Variants in CNTN4 observed in about 807,000 individuals in gnomAD.
CNTN4 encodes the protein contactin 4, also known as contactin-4.
In CNTN4, 77 loss-of-function variants were observed where a neutral mutation model predicts 122.5. The observed-to-expected ratio is 0.63, with a 90% CI of 0.52 to 0.76. CNTN4 has a LOEUF of 0.76. CNTN4 is among the 30% of genes least tolerant of loss of function. The pLI, the probability that CNTN4 is intolerant of heterozygous loss-of-function variation, is 0.00. For synonymous variants in CNTN4, 512 were observed against 447.0 expected (o/e 1.15, Z -1.83); for missense variants, 1,256 against 1,259.1 (o/e 1.00, Z 0.04).
At chr3:2,397,083 A>G (rs565057935) in intron 3 of CNTN4, among the ~76,000 whole-genome samples, 32 of 152,332 alleles carry the variant, frequency 2.1e-4, no homozygotes, top group African/African-American at 7.0e-4. Flanking sequence ...ATAACAGGGC[A>G]TGTAAAAGAC....
At chr3:2,174,967 A>G (rs1463130303) in intron 2 of CNTN4, among the ~76,000 whole-genome samples, 1 of 152,152 alleles carries the variant, frequency 6.6e-6, no homozygotes, top group African/African-American at 2.4e-5. Flanking sequence ...GTCACTTCCC[A>G]CCAGGCCCCA....
chr3:2,466,050 C>CT (rs1254902173), intron 3 of CNTN4, among the ~76,000 whole-genome samples: 2 of 152,182 alleles, frequency 1.3e-5, no homozygotes, highest in African/African-American at 4.8e-5. Context: ...GGAATTCAAT[C>CT]TATTACATGC....
chr3:2,422,767 C>G lies in CNTN4; in HGVS notation c.-89+83534C>G, dbSNP rs529528046. ...ACATAAAGAGAGAGCTGCTGATATTCTGTTTCCCCTAATGCCTGAGTGTGG... is the reference window on the plus strand; with the variant it reads ...ACATAAAGAGAGAGCTGCTGATATTGTGTTTCCCCTAATGCCTGAGTGTGG... On this transcript the variant is annotated intron_variant, in intron 3 of 24. Coordinates refer to ENST00000418658, the MANE Select transcript of CNTN4 (RefSeq NM_175607.3). Among the ~76,000 whole-genome samples, 8 of 152,322 alleles carry G rather than the reference C, an allele frequency of 5.3e-5. No individual in the cohort carries two copies. In the East Asian group the frequency reaches 1.5e-3, roughly 29 times the overall value.
Position 2,902,984 on chromosome 3 carries a change from A to G in CNTN4, c.1186A>G (p.Asn396Asp). Residue 396 changes from asparagine (N) to aspartate (D), a missense_variant, in exon 12 of 25, where the codon AAC (asparagine) becomes GAC (aspartate). Physicochemically the swap from Asn to Asp is conservative, Grantham distance 23. Transcript: ENST00000418658. ...GAATAAACATGGAGTTATCTTTTCC[A>G]ACGCAGAGCTTAGTGTTATAGGTGA... ...AENKHGVIFS[N>D]AELSVIAVGP... 1 of 1,613,902 alleles carries G rather than the reference A, an allele frequency of 6.2e-7. No homozygotes were observed. Among genetic ancestry groups the G allele is most frequent in the Non-Finnish European group, 8.5e-7 (1 of 1,179,880 alleles).
At position 2,759,665 on chromosome 3, in the gene CNTN4, AC is replaced by A. The variant is rs532717742; in HGVS notation, c.358+13969del. On this transcript the variant is annotated intron_variant, in intron 6 of 24. Coordinates refer to ENST00000418658, the MANE Select transcript of CNTN4 (RefSeq NM_175607.3). ...TAGGAGTGGAGTAGCTAGTGGAGTT[AC>A]TGTATGTTTAACATACAGTAACTGG... 1.6e-4 allele frequency among the ~76,000 whole-genome samples: 24 copies of A among 151,690 alleles called. 1 individual carries two copies. The South Asian group carries it at 5.0e-3, about 32-fold the overall frequency.
chr3:2,115,919 T>C (rs891933054), intron 2 of CNTN4, among the ~76,000 whole-genome samples: 3 of 152,240 alleles, frequency 2.0e-5, no homozygotes, highest in Non-Finnish European at 4.4e-5. Context: ...GGTGGGCATT[T>C]AGCTTTTTGT....
In CNTN4 at chr3:2,353,941, G is replaced by A. The variant is rs187863295; in HGVS notation, c.-89+14708G>A. Among the ~76,000 whole-genome samples, 145 of 152,100 alleles carry A rather than the reference G, an allele frequency of 9.5e-4. 1 individual carries two copies. The highest frequency in any genetic ancestry group is 4.6e-3 in the Admixed American group (71 of 15,272). The stretch of plus-strand genomic sequence containing the variant: ...AACAAACAAACAAAAAAAACATAAA[G>A]GAGTCCTCACTTGATGACAATGATG... On this transcript the variant is annotated intron_variant, in intron 3 of 24. Coordinates refer to ENST00000418658, the MANE Select transcript of CNTN4 (RefSeq NM_175607.3).
Position 2,271,214 on chromosome 3 carries a change from CAGATCATTTTGATGTTGCTACTCCATAA to C in CNTN4, c.-144-67952_-144-67925del, listed in dbSNP as rs556879107. 3.9e-4 allele frequency among the ~76,000 whole-genome samples: 60 copies of C among 152,164 alleles called. 1 individual carries two copies. In the East Asian group the frequency reaches 0.011, roughly 29 times the overall value. Reference sequence around the variant, plus strand: ...TTGAATTAAATAACAAAATGAACAGCAGATCATTTTGATGTTGCTACTCCATAAAGATCATTTTGTTATTGTTACTAGG... The same window carrying C: ...TTGAATTAAATAACAAAATGAACAGCAGATCATTTTGTTATTGTTACTAGG... On this transcript the variant is annotated intron_variant, in intron 2 of 24. Transcript: ENST00000418658.
rs76666909 is a variant in CNTN4 at position 2,657,346 on chromosome 3, T to C, written c.56-78869T>C. ...AACATGAGGCTTTTTATTATAGGTTTATTACATCAATCTCTCCAGTGGGTA... is the reference window on the plus strand; with the variant it reads ...AACATGAGGCTTTTTATTATAGGTTCATTACATCAATCTCTCCAGTGGGTA... On this transcript the variant is annotated intron_variant, in intron 4 of 24. Transcript: ENST00000418658. 1.2e-3 allele frequency among the ~76,000 whole-genome samples: 184 copies of C among 152,348 alleles called. 2 individuals are homozygous for C. The East Asian group carries it at 0.034, about 28-fold the overall frequency.
At chr3:2,142,823 A>G (rs186393485) in intron 2 of CNTN4, among the ~76,000 whole-genome samples, 356 of 152,358 alleles carry the variant, frequency 2.3e-3, no homozygotes, top group Non-Finnish European at 3.7e-3. Context: ...GCTTTCAGGC[A>G]TATAATGTGA....
chr3:2,406,536 G>A (rs538521258), intron 3 of CNTN4, among the ~76,000 whole-genome samples: 3 of 152,268 alleles, frequency 2.0e-5, no homozygotes, highest in African/African-American at 7.2e-5. Flanking sequence ...GGTTATGTAA[G>A]GTATGAACCT....
At chr3:2,279,525 C>T (rs911368288) in intron 2 of CNTN4, among the ~76,000 whole-genome samples, 2 of 152,304 alleles carry the variant, frequency 1.3e-5, no homozygotes, top group East Asian at 3.9e-4. Context: ...GACCTGGTCT[C>T]TTCAACAAGT....
At chr3:2,603,061 T>C (rs1373931856) in intron 4 of CNTN4, among the ~76,000 whole-genome samples, 1 of 152,164 alleles carries the variant, frequency 6.6e-6, no homozygotes, top group Non-Finnish European at 1.5e-5. Flanking sequence ...TGTTAAGATA[T>C]ATTTTGAAAT....
intron 6 of CNTN4, among the ~76,000 whole-genome samples, chr3:2,800,615 C>G (rs1377315280): frequency 6.6e-6 from 1 of 152,148 alleles, no homozygotes; most frequent in Admixed American, 6.5e-5. Context: ...AGTTGAATAA[C>G]TACAAAACTG....
chr3:2,953,472 A>G (rs1444897362), intron 13 of CNTN4, among the ~76,000 whole-genome samples: 1 of 148,070 alleles, frequency 6.8e-6, no homozygotes, highest in Non-Finnish European at 1.5e-5. Flanking sequence ...CTTCTTCTCC[A>G]TTTGTCTATT....
At chr3:2,626,521 C>T (rs147909013) in intron 4 of CNTN4, among the ~76,000 whole-genome samples, 5 of 150,494 alleles carry the variant, frequency 3.3e-5, no homozygotes, top group African/African-American at 1.2e-4. Flanking sequence ...AAAAAACAAA[C>T]AAAATCCACA....
intron 3 of CNTN4, among the ~76,000 whole-genome samples, chr3:2,466,366 G>C (rs751229271): frequency 6.6e-6 from 1 of 152,094 alleles, no homozygotes; most frequent in Non-Finnish European, 1.5e-5. Context: ...AGTGTTTGTC[G>C]CTGCTCTTAA....
At chr3:2,745,831 A>AT in intron 6 of CNTN4, 134 bp downstream of exon 6, 1 of 788,972 alleles carries the variant, frequency 1.3e-6, no homozygotes, top group Non-Finnish European at 2.1e-6. Flanking sequence ...TCTTTTTCAC[A>AT]TTTTGGAAAC....
chr3:2,216,792 C>A (rs927246976), intron 2 of CNTN4, among the ~76,000 whole-genome samples: 2 of 152,056 alleles, frequency 1.3e-5, no homozygotes, highest in Admixed American at 6.6e-5. Context: ...TCTGCATACC[C>A]CTCCTCACTC....
Sources: allele counts gnomAD v4.1 joint callset (sites outside exome capture counted in the v4.1 genomes callset), GRCh38; gene constraint gnomAD v4.1.1; transcripts MANE v1.5; gene names NCBI Gene and HGNC (gene_info 2026-07-23, HGNC 2026-07-21).